Variants in ZNF892 observed in about 807,000 individuals in gnomAD.
ZNF892 encodes the protein zinc finger protein 570-like.
chr2:95,206,724 A>G, the ZNF892 span, among the ~76,000 whole-genome samples: 4 of 152,310 alleles, frequency 2.6e-5, no homozygotes, highest in Admixed American at 2.6e-4. Context: ...TTATCAATTA[A>G]TTGGGCTCCT....
chr2:95,249,618 C>A, the ZNF892 span, among the ~76,000 whole-genome samples: 1 of 152,012 alleles, frequency 6.6e-6, no homozygotes, highest in Non-Finnish European at 1.5e-5. Context: ...ATATTTGAAT[C>A]ATCTCAATAT....
chr2:95,212,029 T>G, the ZNF892 span, among the ~76,000 whole-genome samples: 1 of 152,112 alleles, frequency 6.6e-6, no homozygotes, highest in African/African-American at 2.4e-5. Flanking sequence ...GGAGGTAAAA[T>G]TGATAAGGGA....
the ZNF892 span, among the ~76,000 whole-genome samples, chr2:95,218,087 T>C: frequency 6.6e-6 from 1 of 152,248 alleles, no homozygotes; most frequent in Non-Finnish European, 1.5e-5. Context: ...GTGTTTCTGC[T>C]GTTATAATCC....
chr2:95,207,576 T>C, the ZNF892 span: 1 of 379,456 alleles, frequency 2.6e-6, no homozygotes, highest in Non-Finnish European at 4.7e-6. Context: ...TTAGATGCCT[T>C]TGTCGTCGGG....
chr2:95,210,149 GTA>G, the ZNF892 span, among the ~76,000 whole-genome samples: 1 of 148,446 alleles, frequency 6.7e-6, no homozygotes, highest in East Asian at 1.9e-4. Context: ...ATGTATATAT[GTA>G]TATATGTGTA....
chr2:95,239,269 T>A, the ZNF892 span, among the ~76,000 whole-genome samples: 3 of 152,114 alleles, frequency 2.0e-5, no homozygotes, highest in Non-Finnish European at 4.4e-5. Flanking sequence ...CTTCTTGAGA[T>A]GGAATCTACT....
At chr2:95,211,720 G>A in the ZNF892 span, 3 of 398,388 alleles carry the variant, frequency 7.5e-6, no homozygotes, top group Non-Finnish European at 1.3e-5. Flanking sequence ...GGTCTTGCTG[G>A]GTAAGGATGG....
chr2:95,217,959 A>G, the ZNF892 span, among the ~76,000 whole-genome samples: 2 of 152,228 alleles, frequency 1.3e-5, no homozygotes, highest in African/African-American at 4.8e-5. Context: ...TTCTTGAAGG[A>G]TAACACATAT....
At chr2:95,223,786 A>C in the ZNF892 span, among the ~76,000 whole-genome samples, 1 of 152,212 alleles carries the variant, frequency 6.6e-6, no homozygotes. Context: ...TATGACCATC[A>C]CCACAATAAA....
At chr2:95,227,929 C>T in the ZNF892 span, among the ~76,000 whole-genome samples, 2 of 152,312 alleles carry the variant, frequency 1.3e-5, no homozygotes, top group Admixed American at 1.3e-4. Context: ...AATCGCAATG[C>T]TGTTATTCAA....
At chr2:95,252,357 G>A in the ZNF892 span, among the ~76,000 whole-genome samples, 1 of 151,516 alleles carries the variant, frequency 6.6e-6, no homozygotes, top group Non-Finnish European at 1.5e-5. Flanking sequence ...GTCCTTGTGA[G>A]AGTTTGCTGA....
chr2:95,215,289 T>C, the ZNF892 span: 1 of 476,996 alleles, frequency 2.1e-6, no homozygotes, highest in Non-Finnish European at 3.7e-6. Flanking sequence ...ACCCTATAAA[T>C]GCAATGATTG....
At chr2:95,229,735 C>G in the ZNF892 span, among the ~76,000 whole-genome samples, 7 of 152,168 alleles carry the variant, frequency 4.6e-5, no homozygotes, top group Non-Finnish European at 7.4e-5. Flanking sequence ...AGTTTGGGGG[C>G]TCTCATGAAT....
the ZNF892 span, among the ~76,000 whole-genome samples, chr2:95,218,423 A>G: frequency 2.6e-5 from 4 of 152,324 alleles, no homozygotes; most frequent in East Asian, 5.8e-4. Flanking sequence ...AGTTCAGAGA[A>G]GTTCTTTGCC....
At chr2:95,244,308 C>G in the ZNF892 span, among the ~76,000 whole-genome samples, 1 of 150,056 alleles carries the variant, frequency 6.7e-6, no homozygotes, top group African/African-American at 2.5e-5. Flanking sequence ...GCCAAATCCC[C>G]CTCTGCGAGA....
the ZNF892 span, among the ~76,000 whole-genome samples, chr2:95,221,141 G>A: frequency 3.3e-5 from 5 of 152,188 alleles, no homozygotes; most frequent in African/African-American, 1.2e-4. Flanking sequence ...GATTGCAAGA[G>A]TTAGGTCGAA....
the ZNF892 span, among the ~76,000 whole-genome samples, chr2:95,213,293 A>G: frequency 6.6e-6 from 1 of 152,142 alleles, no homozygotes; most frequent in African/African-American, 2.4e-5. Flanking sequence ...ATTTGCTTTT[A>G]ACCTATTCTA....
the ZNF892 span, among the ~76,000 whole-genome samples, chr2:95,227,281 G>A: frequency 3.9e-5 from 6 of 151,960 alleles, no homozygotes; most frequent in Non-Finnish European, 7.4e-5. Flanking sequence ...TACTACTCAT[G>A]TCCTGTATCT....
chr2:95,218,682 C>T, the ZNF892 span, among the ~76,000 whole-genome samples: 1 of 152,180 alleles, frequency 6.6e-6, no homozygotes, highest in African/African-American at 2.4e-5. Context: ...AATCCGTAGA[C>T]TGGGCAGCTC....
Sources: gnomAD v4.1 joint callset for allele counts (sites outside exome capture counted in the v4.1 genomes callset) on GRCh38, gnomAD v4.1.1 for gene constraint, MANE v1.5 for transcripts, NCBI Gene and HGNC (gene_info 2026-07-23, HGNC 2026-07-21) for gene names.